SLC39A8: variants seen among roughly 807,000 people sequenced by gnomAD.
The protein encoded by SLC39A8 is metal cation symporter ZIP8.
In SLC39A8, 15 loss-of-function variants were observed where a neutral mutation model predicts 40.4. The observed-to-expected ratio is 0.37, with a 90% CI of 0.25 to 0.57. The LOEUF is 0.57. Among genes scored for constraint, SLC39A8 ranks in the 20% least tolerant of loss-of-function variants. The pLI, the probability that SLC39A8 is intolerant of heterozygous loss-of-function variation, is 0.75. For synonymous variants in SLC39A8, 223 were observed against 221.6 expected, an observed-to-expected ratio of 1.01 and a Z score of -0.06; for missense variants, 472 against 558.8, an observed-to-expected ratio of 0.84 and a Z score of 1.57.
At chr4:102,338,348 G>A (rs369782495) in intron 2 of SLC39A8, among the ~76,000 whole-genome samples, 3 of 151,704 alleles carry the variant, frequency 2.0e-5, no homozygotes, top group Admixed American at 6.6e-5. Flanking sequence ...CACTACTCCC[G>A]GCTAATTTTT....
At chr4:102,306,332 A>T (rs1734171080) in intron 4 of SLC39A8, among the ~76,000 whole-genome samples, 1 of 151,838 alleles carries the variant, frequency 6.6e-6, no homozygotes, top group Non-Finnish European at 1.5e-5. Flanking sequence ...TAAATCAGAA[A>T]ATCTGTATTG....
At chr4:102,307,413 A>G (rs758710225) in intron 4 of SLC39A8, 23 bp downstream of exon 4, 1 of 1,605,832 alleles carries the variant, frequency 6.2e-7, no homozygotes, top group African/African-American at 1.4e-5. Flanking sequence ...TTATTCACAG[A>G]AACAAATAGC....
intron 2 of SLC39A8, among the ~76,000 whole-genome samples, chr4:102,333,921 T>A (rs781669882): frequency 6.6e-6 from 1 of 152,110 alleles, no homozygotes; most frequent in Non-Finnish European, 1.5e-5. Context: ...AAGAAAAACA[T>A]GGCACAAACA....
chr4:102,283,666 G>A (rs1441636142), intron 6 of SLC39A8, among the ~76,000 whole-genome samples: 1 of 152,166 alleles, frequency 6.6e-6, no homozygotes, highest in Non-Finnish European at 1.5e-5. Context: ...GATTGCAAAA[G>A]ACAGTTGTTT....
intron 5 of SLC39A8, 65 bp downstream of exon 5, chr4:102,304,924 T>C: frequency 7.1e-7 from 1 of 1,398,988 alleles, no homozygotes; most frequent in South Asian, 1.3e-5. Context: ...TTTCTGTCTT[T>C]ATTTGCCTAT....
chr4:102,303,683 C>T (rs1734011389), intron 6 of SLC39A8, among the ~76,000 whole-genome samples: 1 of 151,402 alleles, frequency 6.6e-6, no homozygotes, highest in South Asian at 2.1e-4. Flanking sequence ...AGTAAGTTGT[C>T]CTTTGTGCAT....
In SLC39A8 at chr4:102,267,966, A is replaced by G; in HGVS notation, c.954T>C (p.Asp318=). The stretch of plus-strand genomic sequence containing the variant: ...TGCAGGAAGCCCCAATCGCCAGGCC[A>G]TCGATGAAATTGTGGAGGGCATCGC... ...TLCDALHNFI[D]GLAIGASCTL... The change falls in exon 7 of 9, where the codon GAT becomes GAC. Residue 318 remains aspartate (D), a synonymous_variant. Transcript: ENST00000356736. 1.2e-6 allele frequency: 2 copies of G among 1,614,238 alleles called. No individual in the cohort carries two copies. The highest frequency in any genetic ancestry group is 1.7e-6 in the Non-Finnish European group (2 of 1,180,038).
chr4:102,315,637 A>G (rs776036240), intron 3 of SLC39A8, 31 bp downstream of exon 3: 3 of 1,568,502 alleles, frequency 1.9e-6, no homozygotes, highest in Non-Finnish European at 2.6e-6. Context: ...TAGACTTTTC[A>G]AATAAAAGAG....
chr4:102,252,099 G>C (rs1054956953), exon 12 of SLC39A8: 1 of 152,252 alleles, frequency 6.6e-6, no homozygotes, highest in Admixed American at 6.6e-5. Context: ...GAGACTCCAG[G>C]CCCAAAAGAT....
chr4:102,338,897 G>T (rs879549028), intron 2 of SLC39A8, among the ~76,000 whole-genome samples: 1 of 152,108 alleles, frequency 6.6e-6, no homozygotes, highest in Non-Finnish European at 1.5e-5. Context: ...ATGCCACACA[G>T]TAAAAGATTA....
intron 6 of SLC39A8, among the ~76,000 whole-genome samples, chr4:102,278,466 G>T (rs147609854): frequency 2.5e-4 from 38 of 152,154 alleles, no homozygotes; most frequent in African/African-American, 8.2e-4. Context: ...TTAGAATGTC[G>T]ATCACTAAAA....
chr4:102,280,994 G>C (rs1469825037), intron 6 of SLC39A8, among the ~76,000 whole-genome samples: 7 of 152,158 alleles, frequency 4.6e-5, no homozygotes. Context: ...GGAATCTAAA[G>C]TAAATAATAG....
At chr4:102,251,766 T>C (rs1244139923) in exon 12 of SLC39A8, 2 of 152,230 alleles carry the variant, frequency 1.3e-5, no homozygotes, top group Admixed American at 1.3e-4. Context: ...ACAAGGTCTA[T>C]ACAGAATTCT....
chr4:102,304,984 T>C lies in SLC39A8; in HGVS notation c.675+5A>G. The C allele has an allele frequency of 6.3e-7, 1 of 1,596,520 alleles. No homozygotes were observed. Among genetic ancestry groups the C allele is most frequent in the Non-Finnish European group, 8.6e-7 (1 of 1,169,442 alleles). On this transcript the variant is annotated splice_donor_5th_base_variant and intron_variant, in intron 5 of 8. Coordinates refer to ENST00000356736, the MANE Select transcript of SLC39A8 (RefSeq NM_001135146.2). ...TATTGGATGTTTTAAATAAAGTCCATTTACCTGACCATATGTCTTTAATAA... is the reference window on the plus strand; with the variant it reads ...TATTGGATGTTTTAAATAAAGTCCACTTACCTGACCATATGTCTTTAATAA...
At chr4:102,307,769 C>G (rs1235412017) in intron 3 of SLC39A8, among the ~76,000 whole-genome samples, 164 bp from the exon 4 acceptor site, 1 of 151,940 alleles carries the variant, frequency 6.6e-6, no homozygotes, top group Non-Finnish European at 1.5e-5. Context: ...ACTGAGAATA[C>G]AAATATGGCA....
chr4:102,340,675 A>G (rs999712559), intron 2 of SLC39A8, among the ~76,000 whole-genome samples: 1 of 152,258 alleles, frequency 6.6e-6, no homozygotes, highest in Non-Finnish European at 1.5e-5. Context: ...ATTTTTAAAT[A>G]ACCATTCAAA....
intron 6 of SLC39A8, 79 bp from the exon 7 acceptor site, chr4:102,268,158 G>A: frequency 2.0e-6 from 3 of 1,463,534 alleles, no homozygotes; most frequent in South Asian, 2.3e-5. Flanking sequence ...GATGGGTTGT[G>A]CTTGAGAAAA....
At position 102,304,429 on chromosome 4, in the gene SLC39A8, T is replaced by A. The variant is rs1171207456; in HGVS notation, c.728A>T (p.His243Leu). Reference protein sequence around the residue: ...NDNFGPQEKTHQPKALPAING... With the variant: ...NDNFGPQEKTLQPKALPAING... Reference sequence around the variant, plus strand: ...GATGGCAGGTAATGCTTTAGGTTGATGAGTTTTTTCTTGAGGACCAAAGTT... The same window carrying A: ...GATGGCAGGTAATGCTTTAGGTTGAAGAGTTTTTTCTTGAGGACCAAAGTT... Residue 243 changes from histidine to leucine, a missense_variant, in exon 6 of 9, where the codon CAT becomes CTT. His to Leu is a moderately conservative substitution (Grantham distance 99, BLOSUM62 -3). Coordinates refer to ENST00000356736, the MANE Select transcript of SLC39A8 (RefSeq NM_001135146.2). The A allele has an allele frequency of 6.2e-6, 10 of 1,611,578 alleles. No individual in the cohort carries two copies. The highest frequency in any genetic ancestry group is 8.5e-6 in the Non-Finnish European group (10 of 1,178,462).
intron 2 of SLC39A8, among the ~76,000 whole-genome samples, chr4:102,339,530 T>G (rs979908173): frequency 6.6e-6 from 1 of 152,184 alleles, no homozygotes; most frequent in Non-Finnish European, 1.5e-5. Context: ...CATCCATTAA[T>G]ATGAGCCCGG....
Sources: allele counts gnomAD v4.1 joint callset (sites outside exome capture counted in the v4.1 genomes callset), GRCh38; gene constraint gnomAD v4.1.1; transcripts MANE v1.5; gene names NCBI Gene and HGNC (gene_info 2026-07-23, HGNC 2026-07-21).